NOS1: variants seen among roughly 807,000 people sequenced by gnomAD.
NOS1 encodes the protein nitric oxide synthase 1, also known as NOS type I.
A neutral mutation model predicts 164.5 loss-of-function variants in NOS1; 51 were observed. The ratio of observed to expected loss-of-function variants is 0.31; its 90% CI spans 0.25 to 0.39. NOS1 has a LOEUF of 0.39. Among genes scored for constraint, NOS1 ranks in the 10% least tolerant of loss-of-function variants. The pLI, the probability that NOS1 is intolerant of heterozygous loss-of-function variation, is 1.00. For missense variants in NOS1, 1,362 were observed against 1,885.6 expected, an observed-to-expected ratio of 0.72 and a Z score of 5.14; for synonymous variants, 719 against 745.8, an observed-to-expected ratio of 0.96 and a Z score of 0.59.
rs1873150390 is a variant in NOS1, at chr12:117,276,027, GT to G, written c.1664+1931del. 2.0e-5 allele frequency among the ~76,000 whole-genome samples: 3 copies of G among 151,992 alleles called. 1 individual carries two copies. The highest frequency in any genetic ancestry group is 2.0e-4 in the Admixed American group (3 of 15,248). ...CTTGATCCACACCAGGTTCTGTAGA[GT>G]TTTTTAATTATTATCTTTAATTTTT... is the stretch of plus-strand genomic sequence containing the variant. On this transcript the variant is annotated intron_variant, in intron 9 of 28. Coordinates refer to ENST00000317775, the MANE Select transcript of NOS1 (RefSeq NM_000620.5).
Position 117,213,315 on chromosome 12 carries a change from T to C in NOS1, c.*1994A>G. The C allele has an allele frequency of 1.0e-6, 1 of 985,422 alleles. No individual in the cohort carries two copies. The highest frequency in any genetic ancestry group is 4.7e-5 in the South Asian group (1 of 21,292). The allele number at this position is 985,422 out of a possible 1,614,324, so 61.0% of individuals were successfully genotyped here. A position where few individuals can be genotyped will look rare whatever the true frequency, so the allele number is the denominator to read the frequency against. ...AAAGCTACTAGGAGCTGGAAATGGG[T>C]TTGCAGGAAAGGAGTTTAGAATGGG... is the stretch of plus-strand genomic sequence containing the variant. On this transcript the variant is annotated 3_prime_UTR_variant, in exon 29 of 29. Coordinates refer to ENST00000317775, the MANE Select transcript of NOS1 (RefSeq NM_000620.5).
chr12:117,230,030 C>T (rs994699761), intron 22 of NOS1, among the ~76,000 whole-genome samples: 1 of 152,208 alleles, frequency 6.6e-6, no homozygotes, highest in South Asian at 2.1e-4. Flanking sequence ...AGTGATCCTC[C>T]CACCTTAGCC....
chr12:117,248,039 TCTTTC>T, intron 17 of NOS1, among the ~76,000 whole-genome samples: 1 of 151,848 alleles, frequency 6.6e-6, no homozygotes, highest in African/African-American at 2.4e-5. Flanking sequence ...TCTCTCTCCC[TCTTTC>T]CTTTCTCTTT....
chr12:117,305,908 C>T (rs1357362956), intron 3 of NOS1, among the ~76,000 whole-genome samples: 1 of 151,804 alleles, frequency 6.6e-6, no homozygotes, highest in African/African-American at 2.4e-5. Context: ...TCTTGTGCCT[C>T]AGCCTCCCGA....
intron 1 of NOS1, among the ~76,000 whole-genome samples, chr12:117,359,876 T>TTTTATATATATA (rs1566090779): frequency 2.7e-5 from 1 of 36,952 alleles, no homozygotes; most frequent in Non-Finnish European, 5.6e-5. Flanking sequence ...AATAATGGTT[T>TTTTATATATATA]TATATATATA....
Position 117,212,501 on chromosome 12 carries a change from G to C in NOS1, c.*2808C>G. 2.0e-6 allele frequency: 2 copies of C among 985,398 alleles called. No homozygotes were observed. The highest frequency in any genetic ancestry group is 2.4e-6 in the Non-Finnish European group (2 of 829,934). The allele number at this position is 985,398 out of a possible 1,614,324, so 61.0% of individuals were successfully genotyped here. A position where few individuals can be genotyped will look rare whatever the true frequency, so the allele number is the denominator to read the frequency against. On this transcript the variant is annotated 3_prime_UTR_variant, in exon 29 of 29. Coordinates refer to ENST00000317775, the MANE Select transcript of NOS1 (RefSeq NM_000620.5). ...TCTCTGCTCTTTCACGACACAAGCT[G>C]TGGGAACTGGATGCATAGTGATGGC...
intron 18 of NOS1, 119 bp downstream of exon 18, chr12:117,247,229 T>C (rs1870687496): frequency 2.5e-6 from 2 of 800,882 alleles, no homozygotes; most frequent in Admixed American, 5.9e-5. Flanking sequence ...CTTGGCTGGA[T>C]ACATGGGAGA....
intron 9 of NOS1, 139 bp downstream of exon 9, chr12:117,277,820 G>A: frequency 5.8e-6 from 6 of 1,033,294 alleles, no homozygotes; most frequent in Non-Finnish European, 5.6e-6. Flanking sequence ...AGCCCGCAGT[G>A]AGGACAGGAA....
intron 1 of NOS1, among the ~76,000 whole-genome samples, chr12:117,338,974 C>T (rs1487208248): frequency 6.6e-6 from 1 of 152,112 alleles, no homozygotes; most frequent in African/African-American, 2.4e-5. Flanking sequence ...AAAATACTGC[C>T]ACCCCCAACA....
chr12:117,243,192 A>T lies in NOS1; in HGVS notation c.2962+105T>A. On this transcript the variant is annotated intron_variant, in intron 19 of 28. Coordinates refer to ENST00000317775, the MANE Select transcript of NOS1 (RefSeq NM_000620.5). This position sits in a 1 kb window ranked among gnomAD's most constrained non-coding sequence, Gnocchi z 4.3. ...TTTGGTAGGACTGCACTAAAGGGAG[A>T]TCAAAGCAATGAAGCCCATCTTCTC... 1 of 1,404,262 alleles carries T rather than the reference A, an allele frequency of 7.1e-7. No individual in the cohort carries two copies. The highest frequency in any genetic ancestry group is 9.8e-7 in the Non-Finnish European group (1 of 1,019,914). 87.0% of individuals were successfully genotyped at this position (1,404,262 alleles called of 1,614,324 possible). A position where few individuals can be genotyped will look rare whatever the true frequency, so the allele number is the denominator to read the frequency against.
chr12:117,224,887 CG>C (rs1208295498), intron 25 of NOS1, 128 bp downstream of exon 25: 1 of 1,216,012 alleles, frequency 8.2e-7, no homozygotes, highest in African/African-American at 1.5e-5. Flanking sequence ...TGGTGCTACA[CG>C]CCCCAGCTTT....
chr12:117,236,868 C>T (rs1319201519), intron 20 of NOS1, among the ~76,000 whole-genome samples: 2 of 152,196 alleles, frequency 1.3e-5, no homozygotes, highest in Admixed American at 6.5e-5. Flanking sequence ...AGAGGGTGGC[C>T]GTGCAGACAA....
intron 7 of NOS1, among the ~76,000 whole-genome samples, chr12:117,281,333 A>T (rs566999027): frequency 1.3e-5 from 2 of 148,212 alleles, no homozygotes; most frequent in East Asian, 4.1e-4. Context: ...CAGCCTGGCC[A>T]ACACAGTGAA....
chr12:117,251,002 T>C (rs1412575117), intron 17 of NOS1, among the ~76,000 whole-genome samples: 3 of 152,208 alleles, frequency 2.0e-5, no homozygotes, highest in Non-Finnish European at 4.4e-5. Context: ...CTCCCCCAGA[T>C]TCATAGGTTG....
At chr12:117,288,689 T>C (rs1446329131) in intron 4 of NOS1, among the ~76,000 whole-genome samples, 1 of 152,150 alleles carries the variant, frequency 6.6e-6, no homozygotes, top group African/African-American at 2.4e-5. Flanking sequence ...CTTAACCCCT[T>C]GACTCTGGGC....
rs986688288 is a variant in NOS1, at chr12:117,208,195, T to C, written c.*7114A>G. ...TAATGCAAACAAGCATAATAGGCTTTTGTTGAATCCCATAAAATTGGAAGA... is the reference window on the plus strand; with the variant it reads ...TAATGCAAACAAGCATAATAGGCTTCTGTTGAATCCCATAAAATTGGAAGA... On this transcript the variant is annotated 3_prime_UTR_variant, in exon 29 of 29. Transcript: ENST00000317775. The C allele has an allele frequency of 7.6e-6, 8 of 1,052,950 alleles. No individual in the cohort carries two copies. The highest frequency in any genetic ancestry group is 8.7e-6 in the Non-Finnish European group (7 of 802,864). The allele number at this position is 1,052,950 out of a possible 1,614,324, so 65.2% of individuals were successfully genotyped here.
chr12:117,239,713 T>C (rs1870013470), intron 20 of NOS1, among the ~76,000 whole-genome samples: 1 of 141,384 alleles, frequency 7.1e-6, no homozygotes, highest in Non-Finnish European at 1.6e-5. Flanking sequence ...TTCTTCTTCT[T>C]TTTTTTTTTT....
At chr12:117,280,636 G>A in intron 8 of NOS1, 89 bp downstream of exon 8, 6 of 1,356,122 alleles carry the variant, frequency 4.4e-6, no homozygotes, top group Non-Finnish European at 6.1e-6. Context: ...CGGATCTCCT[G>A]TGATGATAGC....
intron 26 of NOS1, among the ~76,000 whole-genome samples, chr12:117,221,444 C>T (rs1956703733): frequency 6.6e-6 from 1 of 151,644 alleles, no homozygotes; most frequent in African/African-American, 2.4e-5. Context: ...CCACCGCGCC[C>T]AGCTAATTTT....
Sources: allele counts gnomAD v4.1 joint callset (sites outside exome capture counted in the v4.1 genomes callset), GRCh38; gene constraint gnomAD v4.1.1; non-coding constraint Gnocchi (gnomAD v3.1); transcripts MANE v1.5; gene names NCBI Gene and HGNC (gene_info 2026-07-23, HGNC 2026-07-21).